MMP16: variants seen among roughly 807,000 people sequenced by gnomAD.
MMP16 encodes matrix metalloproteinase-16.
MMP16 carries 12 observed loss-of-function variants against 67.8 expected under a neutral mutation model. The ratio of observed to expected loss-of-function variants is 0.18; its 90% CI spans 0.11 to 0.29. MMP16 has a LOEUF of 0.29. MMP16 is among the 10% of genes least tolerant of loss of function. The pLI, the probability that MMP16 is intolerant of heterozygous loss-of-function variation, is 1.00. For synonymous variants in MMP16, 249 were observed against 255.9 expected (o/e 0.97, Z 0.26); for missense variants, 475 against 765.7 (o/e 0.62, Z 4.48).
At chr8:88,286,797 T>G (rs1166979656) in intron 1 of MMP16, among the ~76,000 whole-genome samples, 1 of 151,972 alleles carries the variant, frequency 6.6e-6, no homozygotes, top group African/African-American at 2.4e-5. Context: ...GGTCTTGATC[T>G]CCTGACCTCG....
At chr8:88,147,945 T>C (rs759076990) in intron 4 of MMP16, among the ~76,000 whole-genome samples, 4 of 152,212 alleles carry the variant, frequency 2.6e-5, no homozygotes, top group Non-Finnish European at 2.9e-5. Flanking sequence ...GGGACTCCAA[T>C]TGTATTATAT....
rs1253355143 is a variant in MMP16 at position 88,250,694 on chromosome 8, C to T, written c.133-53388G>A. Among the ~76,000 whole-genome samples, 10 of 151,170 alleles carry T rather than the reference C, an allele frequency of 6.6e-5. No individual in the cohort carries two copies. The South Asian group carries it at 1.9e-3, about 28-fold the overall frequency. On this transcript the variant is annotated intron_variant, in intron 1 of 9. Coordinates refer to ENST00000286614, the MANE Select transcript of MMP16 (RefSeq NM_005941.5). ...TATATATAAGTTTCATTAAGAAACC[C>T]GAGAAATTTACCAAAGTAGCCCTCA...
chr8:88,293,820 T>G (rs1389909332), intron 1 of MMP16, among the ~76,000 whole-genome samples: 3 of 152,158 alleles, frequency 2.0e-5, no homozygotes, highest in African/African-American at 7.2e-5. Flanking sequence ...CATCTCAATC[T>G]CTCTTCTTTA....
chr8:88,117,905 T>A (rs1181412017), intron 5 of MMP16, among the ~76,000 whole-genome samples: 1 of 152,108 alleles, frequency 6.6e-6, no homozygotes, highest in Non-Finnish European at 1.5e-5. Context: ...TTCATTAATT[T>A]AGTATAAAGC....
chr8:88,201,278 G>T (rs2129791970), intron 1 of MMP16, among the ~76,000 whole-genome samples: 1 of 151,974 alleles, frequency 6.6e-6, no homozygotes, highest in East Asian at 1.9e-4. Flanking sequence ...GCTGTGTTAG[G>T]ATTTTATTTA....
intron 1 of MMP16, among the ~76,000 whole-genome samples, chr8:88,244,406 C>T (rs1810079310): frequency 6.6e-6 from 1 of 152,112 alleles, no homozygotes; most frequent in African/African-American, 2.4e-5. Context: ...CAATGAAATA[C>T]TGAAAACTAT....
chr8:88,306,735 C>T (rs1811217149), intron 1 of MMP16, among the ~76,000 whole-genome samples: 1 of 152,092 alleles, frequency 6.6e-6, no homozygotes, highest in South Asian at 2.1e-4. Flanking sequence ...AAAATCCCTT[C>T]ATGTTAAAAA....
At chr8:88,201,314 A>C (rs1807420817) in intron 1 of MMP16, among the ~76,000 whole-genome samples, 2 of 152,052 alleles carry the variant, frequency 1.3e-5, no homozygotes, top group Non-Finnish European at 2.9e-5. Flanking sequence ...TTGCCAGTCC[A>C]CAATGCCTAT....
chr8:88,269,652 C>T (rs1810534459), intron 1 of MMP16, among the ~76,000 whole-genome samples: 1 of 152,156 alleles, frequency 6.6e-6, no homozygotes, highest in South Asian at 2.1e-4. Flanking sequence ...CTGTCCTAAT[C>T]ACTCCCTAGA....
At chr8:88,179,115 A>G (rs1448858659) in intron 3 of MMP16, among the ~76,000 whole-genome samples, 1 of 152,038 alleles carries the variant, frequency 6.6e-6, no homozygotes. Flanking sequence ...TGAGAACATG[A>G]AACAGTATAA....
At chr8:88,091,878 C>T (rs1808943907) in intron 6 of MMP16, among the ~76,000 whole-genome samples, 1 of 151,796 alleles carries the variant, frequency 6.6e-6, no homozygotes. Context: ...TGACTTGTGG[C>T]TATCATACTG....
intron 2 of MMP16, among the ~76,000 whole-genome samples, chr8:88,191,286 C>T (rs1456459960): frequency 8.5e-5 from 13 of 152,052 alleles, no homozygotes; most frequent in Non-Finnish European, 1.2e-4. Flanking sequence ...CTTCGGTTTC[C>T]GCATCTTTAA....
At chr8:88,287,901 A>AT (rs1810859248) in intron 1 of MMP16, among the ~76,000 whole-genome samples, 1 of 152,204 alleles carries the variant, frequency 6.6e-6, no homozygotes, top group Non-Finnish European at 1.5e-5. Context: ...AAGTTACATG[A>AT]TTTGCTAAAG....
chr8:88,053,033 T>C (rs1808289478), intron 8 of MMP16, among the ~76,000 whole-genome samples: 1 of 152,214 alleles, frequency 6.6e-6, no homozygotes, highest in South Asian at 2.1e-4. Context: ...TCCATCTTCA[T>C]TACCTAGCAC....
At chr8:88,232,118 G>C (rs1252254624) in intron 1 of MMP16, among the ~76,000 whole-genome samples, 1 of 152,090 alleles carries the variant, frequency 6.6e-6, no homozygotes, top group African/African-American at 2.4e-5. Flanking sequence ...GAGGATGCAA[G>C]TTCACATATG....
chr8:88,211,506 T>C (rs1809512543), intron 1 of MMP16, among the ~76,000 whole-genome samples: 1 of 152,058 alleles, frequency 6.6e-6, no homozygotes, highest in South Asian at 2.1e-4. Flanking sequence ...AGTATACAAG[T>C]GTACAATGAT....
At chr8:88,045,454 T>C (rs1424264168) in intron 9 of MMP16, among the ~76,000 whole-genome samples, 6 of 152,090 alleles carry the variant, frequency 3.9e-5, no homozygotes, top group Non-Finnish European at 8.8e-5. Flanking sequence ...CACTGCAACC[T>C]CCTTCTTCTG....
chr8:88,191,109 T>C (rs1375974730), intron 2 of MMP16, among the ~76,000 whole-genome samples: 1 of 152,140 alleles, frequency 6.6e-6, no homozygotes, highest in Non-Finnish European at 1.5e-5. Flanking sequence ...GGTGGGCAGA[T>C]CATTAATGTC....
chr8:88,172,949 T>C (rs964558567), intron 3 of MMP16, among the ~76,000 whole-genome samples: 4 of 151,994 alleles, frequency 2.6e-5, no homozygotes, highest in Non-Finnish European at 5.9e-5. Flanking sequence ...TGAAACAGGA[T>C]TTAGATTTGG....
Sources: gnomAD v4.1 joint callset for allele counts (sites outside exome capture counted in the v4.1 genomes callset) on GRCh38, gnomAD v4.1.1 for gene constraint, MANE v1.5 for transcripts, NCBI Gene and HGNC (gene_info 2026-07-23, HGNC 2026-07-21) for gene names.